The following ABCG4 variants were observed in gnomAD, a reference collection of about 807,000 sequenced individuals.
ABCG4 encodes the protein ATP binding cassette subfamily G member 4, also known as ATP-binding cassette sub-family G member 4.
A neutral mutation model predicts 64.6 loss-of-function variants in ABCG4; 35 were observed. The observed-to-expected ratio is 0.54, with a 90% confidence interval of 0.41 to 0.72. ABCG4 has a LOEUF of 0.72. Among genes scored for constraint, ABCG4 ranks in the 30% least tolerant of loss-of-function variants. The probability of loss-of-function intolerance (pLI) is 0.00; values close to 1 mark genes in which losing one functional copy is unlikely to be tolerated. For synonymous variants in ABCG4, 326 were observed against 348.2 expected, an observed-to-expected ratio of 0.94 and a Z score of 0.71; for missense variants, 610 against 846.3, an observed-to-expected ratio of 0.72 and a Z score of 3.46.
chr11:119,159,223 G>T (rs994447741), intron 12 of ABCG4, among the ~76,000 whole-genome samples: 1 of 152,238 alleles, frequency 6.6e-6, no homozygotes, highest in African/African-American at 2.4e-5. Flanking sequence ...GCAGTGGCTT[G>T]CGCCTGTAAT....
chr11:119,155,655 T>A lies in ABCG4; in HGVS notation c.687-674T>A, dbSNP rs1282304056. 4 of 153,254 alleles carry A rather than the reference T, an allele frequency of 2.6e-5. No homozygotes were observed. The highest frequency in any genetic ancestry group is 9.6e-5 in the African/African-American group (4 of 41,464). 9.5% of individuals were successfully genotyped at this position (153,254 alleles called of 1,614,324 possible). A position where few individuals can be genotyped will look rare whatever the true frequency, so the allele number is the denominator to read the frequency against. ...CTTTCTAAAGACAAGTCTGCAGTGC[T>A]CACTCCCCTGCTTAAAACATGCAGT... On this transcript the variant is annotated intron_variant, in intron 6 of 14. Coordinates refer to ENST00000619701, the MANE Select transcript of ABCG4 (RefSeq NM_022169.5). This position sits in a 1 kb window ranked among gnomAD's most constrained non-coding sequence, Gnocchi z 4.5.
chr11:119,158,829 TC>T lies in ABCG4; in HGVS notation c.1341del (p.Leu448Ter). 1 of 1,614,092 alleles carries T rather than the reference TC, an allele frequency of 6.2e-7. No individual in the cohort carries two copies. Among genetic ancestry groups the T allele is most frequent in the East Asian group, 2.2e-5 (1 of 44,874 alleles). ...GTGCCTAAGCAGCCTGTGTCCTCAG[TC>T]CCCTTAGAGATGGCGGTCTTCATGA... is the stretch of plus-strand genomic sequence containing the variant. Reference protein sequence around the residue: ...FAALMPTVLTFPLEMAVFMRE... With the variant: ...FAALMPTVLTXPLEMAVFMRE... On this transcript the variant is annotated frameshift_variant and splice_region_variant, in exon 12 of 15. Transcript: ENST00000619701. LOFTEE classifies it high-confidence loss of function. This position sits in a 1 kb window ranked among gnomAD's most constrained non-coding sequence, Gnocchi z 4.5.
At position 119,156,596 on chromosome 11, in the gene ABCG4, C is replaced by CAAAGGCGT; in HGVS notation, c.844_851dup (p.Val285LysfsTer7). On this transcript the variant is annotated frameshift_variant, in exon 8 of 15. Coordinates refer to ENST00000619701, the MANE Select transcript of ABCG4 (RefSeq NM_022169.5). LOFTEE classifies it high-confidence loss of function. This position sits in a 1 kb window ranked among gnomAD's most constrained non-coding sequence, Gnocchi z 5.5. ...TCCTGAGCCAGGGTCAGTGCATCTT[C>CAAAGGCGT]AAAGGCGTGGTCACCAACCTGATCC... is the stretch of plus-strand genomic sequence containing the variant. 6.2e-7 allele frequency: 1 copy of CAAAGGCGT among 1,614,174 alleles called. No individual in the cohort carries two copies. The highest frequency in any genetic ancestry group is 8.5e-7 in the Non-Finnish European group (1 of 1,180,038).
rs542474570 is a variant in ABCG4 at position 119,154,638 on chromosome 11, C to T, written c.540+63C>T. On this transcript the variant is annotated intron_variant, in intron 5 of 14. Transcript: ENST00000619701. The surrounding 1 kb of genome is among the most constrained non-coding windows in gnomAD (Gnocchi z 7.0). Reference sequence around the variant, plus strand: ...TGTGGTGCTGCTGAGCTCAAGGCCCCGAGCTGGGAGTGGGAGAGTGGTGGC... The same window carrying T: ...TGTGGTGCTGCTGAGCTCAAGGCCCTGAGCTGGGAGTGGGAGAGTGGTGGC... 4.4e-6 allele frequency: 7 copies of T among 1,602,044 alleles called. No homozygotes were observed. The highest frequency in any genetic ancestry group is 2.7e-5 in the African/African-American group (2 of 74,278).
chr11:119,151,045 G>A (rs1422732194), intron 2 of ABCG4, among the ~76,000 whole-genome samples: 2 of 152,196 alleles, frequency 1.3e-5, no homozygotes, highest in Admixed American at 6.5e-5. Flanking sequence ...AGCATGATCT[G>A]CCTCTGCACT....
chr11:119,150,091 C>A lies in ABCG4; in HGVS notation c.126C>A (p.Asn42Lys). 6.2e-7 allele frequency: 1 copy of A among 1,614,160 alleles called. No homozygotes were observed. The highest frequency in any genetic ancestry group is 8.5e-7 in the Non-Finnish European group (1 of 1,180,014). ...VLTTHLKKVE[N>K]HITEAQRFSH... ...CCACGCACCTGAAGAAGGTGGAGAA[C>A]CACATCACTGAAGCCCAGCGCTTCT... Residue 42 changes from asparagine to lysine, a missense_variant, in exon 2 of 15, where the codon AAC becomes AAA. Asn to Lys is a moderately conservative substitution (Grantham distance 94). Transcript: ENST00000619701. This position sits in a 1 kb window ranked among gnomAD's most constrained non-coding sequence, Gnocchi z 4.3.
In ABCG4 at chr11:119,158,691, C is replaced by G. The variant is rs1212202242; in HGVS notation, c.1302C>G (p.Leu434=). 2.5e-6 allele frequency: 4 copies of G among 1,614,174 alleles called. No homozygotes were observed. The highest frequency in any genetic ancestry group is 3.4e-6 in the Non-Finnish European group (4 of 1,180,036). Residue 434 remains leucine (L), a synonymous_variant, in exon 11 of 15, where the codon CTC becomes CTG. Coordinates refer to ENST00000619701, the MANE Select transcript of ABCG4 (RefSeq NM_022169.5). This position sits in a 1 kb window ranked among gnomAD's most constrained non-coding sequence, Gnocchi z 4.5. ...GCCTCTTCTTCTCCATGCTGTTCCT[C>G]ATGTTCGCCGCCCTCATGCCAACTG... is the stretch of plus-strand genomic sequence containing the variant. The part of the protein sequence containing the change: ...TGCLFFSMLF[L]MFAALMPTVL...
At position 119,154,812 on chromosome 11, in the gene ABCG4, C is replaced by G. The variant is rs772632416; in HGVS notation, c.583C>G (p.His195Asp). The change falls in exon 6 of 15, where the codon CAC becomes GAC. Residue 195 changes from histidine to aspartate, a missense_variant. Physicochemically the swap from His to Asp is moderately conservative, Grantham distance 81 (BLOSUM62 -1). Coordinates refer to ENST00000619701, the MANE Select transcript of ABCG4 (RefSeq NM_022169.5). The surrounding 1 kb of genome is among the most constrained non-coding windows in gnomAD (Gnocchi z 7.0). Reference protein sequence around the residue: ...LTALGLMSCSHTRTALLSGGQ... With the variant: ...LTALGLMSCSDTRTALLSGGQ... ...GGCACTGGGCCTGATGTCGTGCTCCCACACGAGGACAGCCCTGCTCTCTGG... is the reference window on the plus strand; with the variant it reads ...GGCACTGGGCCTGATGTCGTGCTCCGACACGAGGACAGCCCTGCTCTCTGG... 1 of 1,613,770 alleles carries G rather than the reference C, an allele frequency of 6.2e-7. No individual in the cohort carries two copies. The highest frequency in any genetic ancestry group is 8.5e-7 in the Non-Finnish European group (1 of 1,179,640).
chr11:119,149,848 C>G lies in ABCG4; in HGVS notation c.-12-106C>G. 1 of 1,452,674 alleles carries G rather than the reference C, an allele frequency of 6.9e-7. No individual in the cohort carries two copies. Among genetic ancestry groups the G allele is most frequent in the South Asian group, 1.4e-5 (1 of 73,502 alleles). The allele number at this position is 1,452,674 out of a possible 1,614,324, so 90.0% of individuals were successfully genotyped here. On this transcript the variant is annotated intron_variant, in intron 1 of 14. Transcript: ENST00000619701. This position sits in a 1 kb window ranked among gnomAD's most constrained non-coding sequence, Gnocchi z 8.3. ...CGGGGCTAACAGTCGCGGATCTGCC[C>G]CGAGAAGGAGGTGGGCAGTGGGGGC...
chr11:119,160,961 TC>T lies in ABCG4; in HGVS notation c.1798del (p.Arg600GlyfsTer29), dbSNP rs778822208. ...DLTCLEERCPFREPQSILRAL... is the reference protein window; with the variant it reads ...DLTCLEERCPXREPQSILRAL... ...ACATGTTTAGAGGAACGCTGCCCGT[TC>T]CGGGAGCCACAGAGCATCCTCCGAG... On this transcript the variant is annotated frameshift_variant, in exon 15 of 15. Coordinates refer to ENST00000619701, the MANE Select transcript of ABCG4 (RefSeq NM_022169.5). LOFTEE classifies it high-confidence loss of function. This position sits in a 1 kb window ranked among gnomAD's most constrained non-coding sequence, Gnocchi z 4.6. The T allele has an allele frequency of 6.2e-7, 1 of 1,614,114 alleles. No individual in the cohort carries two copies. Among genetic ancestry groups the T allele is most frequent in the Admixed American group, 1.7e-5 (1 of 60,018 alleles).
In ABCG4 at chr11:119,154,629, T is replaced by G. The variant is rs1948241261; in HGVS notation, c.540+54T>G. On this transcript the variant is annotated intron_variant, in intron 5 of 14. Transcript: ENST00000619701. The surrounding 1 kb of genome is among the most constrained non-coding windows in gnomAD (Gnocchi z 7.0). ...ACTCCCTTTTGTGGTGCTGCTGAGC[T>G]CAAGGCCCCGAGCTGGGAGTGGGAG... 6 of 1,605,252 alleles carry G rather than the reference T, an allele frequency of 3.7e-6. No homozygotes were observed. Among genetic ancestry groups the G allele is most frequent in the Non-Finnish European group, 5.1e-6 (6 of 1,176,170 alleles).
chr11:119,161,002 G>A lies in ABCG4; in HGVS notation c.1837G>A (p.Asp613Asn). 1 of 1,614,090 alleles carries A rather than the reference G, an allele frequency of 6.2e-7. No homozygotes were observed. The highest frequency in any genetic ancestry group is 1.1e-5 in the South Asian group (1 of 91,088). ...CATCCTCCGAGCGCTGGATGTGGAG[G>A]ATGCCAAGCTCTACATGGACTTCCT... ...QSILRALDVE[D>N]AKLYMDFLVL... The change falls in exon 15 of 15, where the codon GAT becomes AAT. Residue 613 changes from aspartate to asparagine, a missense_variant. Coordinates refer to ENST00000619701, the MANE Select transcript of ABCG4 (RefSeq NM_022169.5).
In ABCG4 at chr11:119,149,614, CGGG is replaced by C; in HGVS notation, c.-13+252_-13+254del. 3.4e-6 allele frequency: 1 copy of C among 293,762 alleles called. No homozygotes were observed. The highest frequency in any genetic ancestry group is 6.5e-6 in the Non-Finnish European group (1 of 153,198). The allele number at this position is 293,762 out of a possible 1,614,324, so 18.2% of individuals were successfully genotyped here. On this transcript the variant is annotated intron_variant, in intron 1 of 14. Transcript: ENST00000619701. This position sits in a 1 kb window ranked among gnomAD's most constrained non-coding sequence, Gnocchi z 8.3. ...ACCCTGCTACCCCGACCTCCTAGAG[CGGG>C]CAGCCTCTGCCGGCTGCCTCTTCTC...
rs777625706 is a variant in ABCG4, at chr11:119,160,964, G to A, written c.1799G>A (p.Arg600Gln). The A allele has an allele frequency of 2.5e-5, 41 of 1,613,954 alleles. No individual in the cohort carries two copies. The highest frequency in any genetic ancestry group is 3.3e-4 in the Middle Eastern group (2 of 6,082). The part of the protein sequence containing the change: ...LTCLEERCPF[R>Q]EPQSILRALD... ...TGTTTAGAGGAACGCTGCCCGTTCC[G>A]GGAGCCACAGAGCATCCTCCGAGCG... Residue 600 changes from arginine (R) to glutamine (Q), a missense_variant, in exon 15 of 15, where the codon CGG (arginine) becomes CAG (glutamine). Transcript: ENST00000619701. The surrounding 1 kb of genome is among the most constrained non-coding windows in gnomAD (Gnocchi z 4.6).
chr11:119,150,304 G>A lies in ABCG4; in HGVS notation c.238+101G>A, dbSNP rs1948178794. 13 of 1,468,226 alleles carry A rather than the reference G, an allele frequency of 8.9e-6. No homozygotes were observed. The highest frequency in any genetic ancestry group is 1.2e-5 in the Non-Finnish European group (13 of 1,093,028). The allele number at this position is 1,468,226 out of a possible 1,614,324, so 90.9% of individuals were successfully genotyped here. A position where few individuals can be genotyped will look rare whatever the true frequency, so the allele number is the denominator to read the frequency against. ...CCCATGTTCGGAAAGTCCTGCACCA[G>A]TGGGCTCTGTGGAAACACTAAAATC... On this transcript the variant is annotated intron_variant, in intron 2 of 14. Transcript: ENST00000619701. The surrounding 1 kb of genome is among the most constrained non-coding windows in gnomAD (Gnocchi z 4.3).
At position 119,160,151 on chromosome 11, in the gene ABCG4, C is replaced by T. The variant is rs538688090; in HGVS notation, c.1438-76C>T. ...GGGAATAGGTATTCTAGAGGCCCAGCCTTGGGTGGAGTGGAGGTCTTGGCT... is the reference window on the plus strand; with the variant it reads ...GGGAATAGGTATTCTAGAGGCCCAGTCTTGGGTGGAGTGGAGGTCTTGGCT... On this transcript the variant is annotated intron_variant, in intron 12 of 14. Coordinates refer to ENST00000619701, the MANE Select transcript of ABCG4 (RefSeq NM_022169.5). This position sits in a 1 kb window ranked among gnomAD's most constrained non-coding sequence, Gnocchi z 4.6. 7.2e-6 allele frequency: 11 copies of T among 1,517,552 alleles called. No homozygotes were observed. Among genetic ancestry groups the T allele is most frequent in the Non-Finnish European group, 8.1e-6 (9 of 1,115,060 alleles). 94.0% of individuals were successfully genotyped at this position (1,517,552 alleles called of 1,614,324 possible).
At chr11:119,159,773 C>T (rs1948319651) in intron 12 of ABCG4, among the ~76,000 whole-genome samples, 1 of 152,096 alleles carries the variant, frequency 6.6e-6, no homozygotes, top group Admixed American at 6.5e-5. Context: ...ATAAGAAGAG[C>T]ACAAGCTGGA....
intron 12 of ABCG4, 81 bp downstream of exon 12, chr11:119,159,010 T>G: frequency 2.2e-6 from 3 of 1,374,454 alleles, no homozygotes; most frequent in Non-Finnish European, 2.1e-6. Flanking sequence ...TCCCTCAAAC[T>G]TGTCACTTTC....
Position 119,150,155 on chromosome 11 carries a change from G to A in ABCG4, c.190G>A (p.Val64Met), listed in dbSNP as rs1271622785. 1 of 1,614,158 alleles carries A rather than the reference G, an allele frequency of 6.2e-7. No individual in the cohort carries two copies. The highest frequency in any genetic ancestry group is 8.5e-7 in the Non-Finnish European group (1 of 1,180,010). The change falls in exon 2 of 15, where the codon GTG becomes ATG. Residue 64 changes from valine (V) to methionine (M), a missense_variant. Physicochemically the swap from Val to Met is conservative, Grantham distance 21. Transcript: ENST00000619701. This position sits in a 1 kb window ranked among gnomAD's most constrained non-coding sequence, Gnocchi z 4.3. The stretch of plus-strand genomic sequence containing the variant: ...GCGCTCAGCCGTGGACATCGAGTTC[G>A]TGGAGCTGTCCTATTCCGTGCGGGA... ...PKRSAVDIEF[V>M]ELSYSVREGP...
Sources: allele counts gnomAD v4.1 joint callset (sites outside exome capture counted in the v4.1 genomes callset), GRCh38; gene constraint gnomAD v4.1.1; non-coding constraint Gnocchi (gnomAD v3.1); transcripts MANE v1.5; gene names NCBI Gene and HGNC (gene_info 2026-07-23, HGNC 2026-07-21).